PANK2: variants seen among roughly 807,000 people sequenced by gnomAD.
The protein encoded by PANK2 is pantothenate kinase 2, also known as pantothenate kinase 2, mitochondrial.
PANK2 carries 36 observed loss-of-function variants against 43.1 expected under a neutral mutation model. The observed-to-expected ratio is 0.84, with a 90% CI of 0.64 to 1.10. The LOEUF is 1.10. PANK2 is among the 50% of genes least tolerant of loss of function. The pLI is 0.00. For missense variants in PANK2, 576 were observed against 593.3 expected (o/e 0.97, Z 0.30); for synonymous variants, 281 against 238.2 (o/e 1.18, Z -1.66).
intron 1 of PANK2, among the ~76,000 whole-genome samples, chr20:3,897,077 G>A (rs1412076499): frequency 9.9e-5 from 15 of 152,162 alleles, no homozygotes; most frequent in Admixed American, 9.8e-4. Flanking sequence ...GCATTGGAGG[G>A]CACCCAGCTG....
At chr20:3,895,421 T>C (rs1031273864) in intron 1 of PANK2, among the ~76,000 whole-genome samples, 3 of 151,298 alleles carry the variant, frequency 2.0e-5, no homozygotes, top group African/African-American at 7.3e-5. Flanking sequence ...AGATTGAGGT[T>C]GCACTGAGCT....
Position 3,889,641 on chromosome 20 carries a change from G to T in PANK2, c.211G>T (p.Gly71Cys). ...GCCCGCGGTCGGGGCCTCGGCTGAG[G>T]GCACGAGGCGGGATCGACTGGGCTC... is the stretch of plus-strand genomic sequence containing the variant. The change falls in exon 1 of 7, where the codon GGC (glycine) becomes TGC (cysteine). Residue 71 changes from glycine to cysteine, a missense_variant. Around this residue, in one of 2 missense-constraint regions of PANK2, gnomAD observed 544 missense variants for 528.9 expected, o/e 1.03. Transcript: ENST00000610179. The T allele has an allele frequency of 3.2e-6, 5 of 1,579,050 alleles. No individual in the cohort carries two copies. The highest frequency in any genetic ancestry group is 4.3e-6 in the Non-Finnish European group (5 of 1,171,212).
chr20:3,918,362 G>GT lies in PANK2; in HGVS notation c.1207-300dup, dbSNP rs71331080. ...TGTCCTTTTGGATTGGAGTCATACT[G>GT]TTTTTTTTTGTTTATTTTAACTTAT... On this transcript the variant is annotated intron_variant, in intron 5 of 6. Transcript: ENST00000610179. 0.12 allele frequency among the ~76,000 whole-genome samples: 17,527 copies of GT among 151,006 alleles called. 1,319 individuals are homozygous for GT. The highest frequency in any genetic ancestry group is 0.25 in the South Asian group (1,174 of 4,788).
In PANK2 at chr20:3,929,689, G is replaced by T. The variant is rs1239299564; in HGVS notation, c.*6395G>T. The T allele has an allele frequency of 1.3e-5, 2 of 152,304 alleles. No individual in the cohort carries two copies. Among genetic ancestry groups the T allele is most frequent in the African/African-American group, 4.8e-5 (2 of 41,468 alleles). The allele number at this position is 152,304 out of a possible 1,614,324, so 9.4% of individuals were successfully genotyped here. On this transcript the variant is annotated 3_prime_UTR_variant, in exon 7 of 7. Transcript: ENST00000610179. ...ACCTGCAGAGGCTGCTCAGAGCTGG[G>T]AGAGGCCTGTGCCACTGCTGTCAGC...
At chr20:3,892,172 G>A (rs770228977) in intron 1 of PANK2, among the ~76,000 whole-genome samples, 11 of 151,998 alleles carry the variant, frequency 7.2e-5, no homozygotes, top group Non-Finnish European at 1.3e-4. Context: ...TTGAAACCCC[G>A]TCTCTACTAA....
Position 3,927,665 on chromosome 20 carries a change from C to G in PANK2, c.*4371C>G, listed in dbSNP as rs1321873271. The stretch of plus-strand genomic sequence containing the variant: ...ACCAGCAACACTCTAGGAAGACCAG[C>G]TGTCACCAGAAGGGAGTTCCTAACA... On this transcript the variant is annotated 3_prime_UTR_variant, in exon 7 of 7. Transcript: ENST00000610179. 6.6e-6 allele frequency: 1 copy of G among 152,254 alleles called. No individual in the cohort carries two copies. The highest frequency in any genetic ancestry group is 1.5e-5 in the Non-Finnish European group (1 of 68,048). The allele number at this position is 152,254 out of a possible 1,614,324, so 9.4% of individuals were successfully genotyped here. A position where few individuals can be genotyped will look rare whatever the true frequency, so the allele number is the denominator to read the frequency against.
At position 3,929,498 on chromosome 20, in the gene PANK2, A is replaced by AGAT. The variant is rs1423655877; in HGVS notation, c.*6206_*6208dup. The AGAT allele has an allele frequency of 6.6e-6, 1 of 152,310 alleles. No individual in the cohort carries two copies. Among genetic ancestry groups the AGAT allele is most frequent in the Non-Finnish European group, 1.5e-5 (1 of 68,092 alleles). 9.4% of individuals were successfully genotyped at this position (152,310 alleles called of 1,614,324 possible). A position where few individuals can be genotyped will look rare whatever the true frequency, so the allele number is the denominator to read the frequency against. ...TCACTGTGCACTTGCTCAGTAGCTA[A>AGAT]GATGTCTGCCCCACAAAATAGAAGC... On this transcript the variant is annotated 3_prime_UTR_variant, in exon 7 of 7. Coordinates refer to ENST00000610179, the MANE Select transcript of PANK2 (RefSeq NM_001386393.1).
In PANK2 at chr20:3,916,983, C is replaced by G. The variant is rs2090571332; in HGVS notation, c.1139C>G (p.Ala380Gly). The G allele has an allele frequency of 6.2e-7, 1 of 1,613,864 alleles. No homozygotes were observed. Among genetic ancestry groups the G allele is most frequent in the Non-Finnish European group, 8.5e-7 (1 of 1,179,976 alleles). ...GAGGCTGTCAGTAAAGAGGACCTGGCCAGAGCGACTTTGATCACCATCACC... is the reference window on the plus strand; with the variant it reads ...GAGGCTGTCAGTAAAGAGGACCTGGGCAGAGCGACTTTGATCACCATCACC... The change falls in exon 5 of 7, where the codon GCC becomes GGC. Residue 380 changes from alanine to glycine, a missense_variant. By Grantham distance (60) the Ala-to-Gly change is moderately conservative (BLOSUM62 0). This residue lies in a region of PANK2 where 544 missense variants were observed against 528.9 expected (regional missense o/e 1.03). Transcript: ENST00000610179.
chr20:3,893,361 T>C (rs41423648), intron 1 of PANK2, among the ~76,000 whole-genome samples: 27,866 of 152,124 alleles, frequency 0.18, 2,883 homozygotes, highest in African/African-American at 0.28. Context: ...TTGCATGATA[T>C]AGGTCTGCAA....
chr20:3,912,474 T>C lies in PANK2; in HGVS notation c.922T>C (p.Phe308Leu). The C allele has an allele frequency of 6.2e-7, 1 of 1,614,162 alleles. No individual in the cohort carries two copies. Among genetic ancestry groups the C allele is most frequent in the South Asian group, 1.1e-5 (1 of 91,086 alleles). ...TAATCATAGTCTTGGAGGAGGAACT[T>C]TTTTTGGTCTCTGCTGTCTTCTTAC... The change falls in exon 4 of 7, where the codon TTT (phenylalanine) becomes CTT (leucine). Residue 308 changes from phenylalanine (F) to leucine (L), a missense_variant. Coordinates refer to ENST00000610179, the MANE Select transcript of PANK2 (RefSeq NM_001386393.1).
chr20:3,889,136 T>A, upstream of PANK2: 1 of 1,563,938 alleles, frequency 6.4e-7, no homozygotes, highest in Non-Finnish European at 8.7e-7. Context: ...CACGCGTCCA[T>A]TGGGCGGCGC....
intron 1 of PANK2, among the ~76,000 whole-genome samples, chr20:3,905,804 C>T (rs944824974): frequency 2.7e-5 from 4 of 150,378 alleles, no homozygotes; most frequent in Non-Finnish European, 5.9e-5. Context: ...AAACCTCCAC[C>T]TCCCGGGTTC....
At chr20:3,896,762 G>A (rs1488398169) in intron 1 of PANK2, among the ~76,000 whole-genome samples, 1 of 152,172 alleles carries the variant, frequency 6.6e-6, no homozygotes, top group Non-Finnish European at 1.5e-5. Flanking sequence ...GTGCCCGAGA[G>A]CACAGAAGTT....
At position 3,924,347 on chromosome 20, in the gene PANK2, A is replaced by G. The variant is rs2090690588; in HGVS notation, c.*1053A>G. 2 of 152,304 alleles carry G rather than the reference A, an allele frequency of 1.3e-5. No individual in the cohort carries two copies. The highest frequency in any genetic ancestry group is 1.3e-4 in the Admixed American group (2 of 15,284). 9.4% of individuals were successfully genotyped at this position (152,304 alleles called of 1,614,324 possible). A position where few individuals can be genotyped will look rare whatever the true frequency, so the allele number is the denominator to read the frequency against. On this transcript the variant is annotated 3_prime_UTR_variant, in exon 7 of 7. Transcript: ENST00000610179. ...AGGCAAGGATGGGCCTGTACAAAGCAGCCTTGGACCAGGAGGGAAAACCCC... is the reference window on the plus strand; with the variant it reads ...AGGCAAGGATGGGCCTGTACAAAGCGGCCTTGGACCAGGAGGGAAAACCCC...
intron 1 of PANK2, among the ~76,000 whole-genome samples, chr20:3,893,461 C>G (rs2090155826): frequency 6.6e-6 from 1 of 152,088 alleles, no homozygotes. Context: ...ACTCATGTAA[C>G]AAGAGAACAT....
Position 3,889,607 on chromosome 20 carries a change from C to T in PANK2, c.177C>T (p.Ser59=), listed in dbSNP as rs759850213. 73 of 1,527,876 alleles carry T rather than the reference C, an allele frequency of 4.8e-5. No individual in the cohort carries two copies. The African/African-American group carries it at 9.5e-4, about 20-fold the overall frequency. 94.6% of individuals were successfully genotyped at this position (1,527,876 alleles called of 1,614,324 possible). A position where few individuals can be genotyped will look rare whatever the true frequency, so the allele number is the denominator to read the frequency against. The stretch of plus-strand genomic sequence containing the variant: ...AGCCACTGCGGCGCCGGGCGAGCAG[C>T]GCGTCGGTGCCCGCGGTCGGGGCCT... Residue 59 remains serine (S), a synonymous_variant, in exon 1 of 7, where the codon AGC becomes AGT. Coordinates refer to ENST00000610179, the MANE Select transcript of PANK2 (RefSeq NM_001386393.1).
At chr20:3,915,368 G>A (rs6116100) in intron 4 of PANK2, among the ~76,000 whole-genome samples, 2,259 of 151,808 alleles carry the variant, frequency 0.015, 67 homozygotes, top group African/African-American at 0.052. Context: ...GTGCGATCTC[G>A]GCTCACTGCA....
chr20:3,921,859 TGCCACC>T (rs1171780586), intron 6 of PANK2: 1 of 152,208 alleles, frequency 6.6e-6, no homozygotes, highest in African/African-American at 2.4e-5. Context: ...TACAGGCACG[TGCCACC>T]GCACCTGGCT....
intron 6 of PANK2, among the ~76,000 whole-genome samples, chr20:3,920,833 G>T (rs938286990): frequency 1.3e-5 from 2 of 152,186 alleles, no homozygotes; most frequent in African/African-American, 4.8e-5. Context: ...CAACAAGAGC[G>T]AAACTCCATC....
Sources: allele counts gnomAD v4.1 joint callset (sites outside exome capture counted in the v4.1 genomes callset), GRCh38; gene constraint gnomAD v4.1.1; regional missense constraint gnomAD v4.1.1; transcripts MANE v1.5; gene names NCBI Gene and HGNC (gene_info 2026-07-23, HGNC 2026-07-21).